Variants in LYRM4 observed in about 807,000 individuals in gnomAD.
LYRM4 encodes the protein LYR motif-containing protein 4.
In LYRM4, 9 loss-of-function variants were observed where a neutral mutation model predicts 11.7. The observed-to-expected ratio is 0.77, with a 90% CI of 0.46 to 1.34. The LOEUF (loss-of-function observed/expected upper bound fraction) is 1.34, where lower values mean the gene tolerates loss of function less well. Ranked by LOEUF, LYRM4 falls within the 40% of genes most tolerant of loss-of-function variation. The probability of loss-of-function intolerance (pLI) is 0.00; values close to 1 mark genes in which losing one functional copy is unlikely to be tolerated. For missense variants in LYRM4, 133 were observed against 112.5 expected (o/e 1.18, Z -0.82); for synonymous variants, 42 against 40.4 (o/e 1.04, Z -0.15).
chr6:5,054,094 A>G, the LYRM4 span: 2 of 984,362 alleles, frequency 2.0e-6, no homozygotes, highest in African/African-American at 3.5e-5. Flanking sequence ...CCAGGAACTA[A>G]CGCCAGATGC....
At chr6:5,178,010 A>G (rs76655339) in intron 2 of LYRM4, among the ~76,000 whole-genome samples, 2 of 151,960 alleles carry the variant, frequency 1.3e-5, no homozygotes, top group Non-Finnish European at 2.9e-5. Flanking sequence ...TTTTTTTTTA[A>G]CTAAGTATTT....
At chr6:5,150,732 C>T (rs1758041027) in intron 2 of LYRM4, among the ~76,000 whole-genome samples, 1 of 152,224 alleles carries the variant, frequency 6.6e-6, no homozygotes, top group Non-Finnish European at 1.5e-5. Context: ...GTAACCGCTG[C>T]ATGCTCAGGC....
At chr6:5,168,997 G>A (rs1759257762) in intron 2 of LYRM4, among the ~76,000 whole-genome samples, 1 of 152,060 alleles carries the variant, frequency 6.6e-6, no homozygotes, top group Non-Finnish European at 1.5e-5. Flanking sequence ...GAAGGTATAT[G>A]GGTTTTCATT....
At chr6:5,153,419 C>T (rs1036476601) in intron 2 of LYRM4, among the ~76,000 whole-genome samples, 3 of 152,206 alleles carry the variant, frequency 2.0e-5, no homozygotes, top group Non-Finnish European at 4.4e-5. Flanking sequence ...AAAACTAAGA[C>T]ACCAGGTCAT....
chr6:5,123,598 C>A (rs73361354), intron 2 of LYRM4, among the ~76,000 whole-genome samples: 2,369 of 152,330 alleles, frequency 0.016, 48 homozygotes, highest in African/African-American at 0.054. Flanking sequence ...GCTGTTCCCA[C>A]GGCCCCTACT....
At chr6:5,231,336 G>A (rs1763230736) in intron 1 of LYRM4, among the ~76,000 whole-genome samples, 1 of 152,184 alleles carries the variant, frequency 6.6e-6, no homozygotes, top group Non-Finnish European at 1.5e-5. Context: ...ATTCAGGGAG[G>A]CTATAGAGCA....
rs147698883 is a variant in LYRM4 at position 5,145,476 on chromosome 6, G to A, written c.208-35985C>T. 6.6e-4 allele frequency among the ~76,000 whole-genome samples: 101 copies of A among 152,228 alleles called. 1 individual carries two copies. Among genetic ancestry groups the A allele is most frequent in the Middle Eastern group, 6.8e-3 (2 of 294 alleles). On this transcript the variant is annotated intron_variant, in intron 2 of 2. Coordinates refer to ENST00000330636, the MANE Select transcript of LYRM4 (RefSeq NM_020408.6). ...GTGCTTAATTTCCCTTGGTGACTCC[G>A]GAGTCAACGCTCTTCATCACTATGA...
Position 5,230,433 on chromosome 6 carries a change from CCA to C in LYRM4, c.87-13697_87-13696del, listed in dbSNP as rs1299954729. ...AGATTTTCTGGCTTCTTTTTTCCCC[CCA>C]CCTATCAGAATGAGCTTGATCTCAT... On this transcript the variant is annotated intron_variant, in intron 1 of 2. Transcript: ENST00000330636. Among the ~76,000 whole-genome samples the C allele has an allele frequency of 4.6e-5, 7 of 152,216 alleles. No homozygotes were observed. In the South Asian group the frequency reaches 1.0e-3, roughly 23 times the overall value.
chr6:5,083,328 T>G, the LYRM4 span, among the ~76,000 whole-genome samples: 1 of 152,256 alleles, frequency 6.6e-6, no homozygotes, highest in Admixed American at 6.5e-5. Context: ...GTAAAAGCAA[T>G]GTCCTTCCCG....
intron 2 of LYRM4, among the ~76,000 whole-genome samples, chr6:5,145,770 C>G (rs187712125): frequency 1.7e-4 from 26 of 152,298 alleles, no homozygotes. Flanking sequence ...CTTATTTACA[C>G]CCACGGCTTC....
At chr6:5,245,674 G>A (rs1029709258) in intron 1 of LYRM4, among the ~76,000 whole-genome samples, 29 of 152,218 alleles carry the variant, frequency 1.9e-4, no homozygotes, top group African/African-American at 7.0e-4. Flanking sequence ...ACTTCCTGGA[G>A]CCTGAGGCCA....
At chr6:5,160,245 T>A (rs1327270430) in intron 2 of LYRM4, among the ~76,000 whole-genome samples, 1 of 152,100 alleles carries the variant, frequency 6.6e-6, no homozygotes, top group Non-Finnish European at 1.5e-5. Flanking sequence ...TAAACCTGGG[T>A]TCAACTCCCT....
chr6:5,075,542 C>T, the LYRM4 span, among the ~76,000 whole-genome samples: 1 of 152,126 alleles, frequency 6.6e-6, no homozygotes, highest in Non-Finnish European at 1.5e-5. Flanking sequence ...GCAGGTGGGT[C>T]ACACTGGGGA....
chr6:5,210,841 A>C (rs1761954058), intron 2 of LYRM4, among the ~76,000 whole-genome samples: 2 of 152,206 alleles, frequency 1.3e-5, no homozygotes, highest in African/African-American at 4.8e-5. Context: ...ATGTAGCAGG[A>C]TTCTGTTCCT....
intron 1 of LYRM4, among the ~76,000 whole-genome samples, chr6:5,257,083 C>A (rs910194620): frequency 6.6e-6 from 1 of 152,186 alleles, no homozygotes; most frequent in Non-Finnish European, 1.5e-5. Flanking sequence ...CTTGGCCCCT[C>A]AAAATCATCT....
At chr6:5,098,721 T>A (rs1388478665), downstream of LYRM4, among the ~76,000 whole-genome samples, 1 of 152,160 alleles carries the variant, frequency 6.6e-6, no homozygotes, top group Non-Finnish European at 1.5e-5. Context: ...TCATCTTACA[T>A]CACCCGAGGC....
chr6:5,066,509 A>G, the LYRM4 span: 1 of 790,436 alleles, frequency 1.3e-6, no homozygotes, highest in South Asian at 1.3e-5. Flanking sequence ...TTACTCCACC[A>G]CTTCTAGGAT....
chr6:5,226,009 G>A (rs569605172), intron 1 of LYRM4, among the ~76,000 whole-genome samples: 2 of 152,248 alleles, frequency 1.3e-5, no homozygotes, highest in African/African-American at 2.4e-5. Context: ...TTAATCGAGT[G>A]GTCTTTTGAA....
chr6:5,142,859 C>T (rs565413467), intron 2 of LYRM4, among the ~76,000 whole-genome samples: 43 of 152,334 alleles, frequency 2.8e-4, no homozygotes, highest in South Asian at 6.2e-4. Flanking sequence ...GAATGCCTTT[C>T]CCTAAGGAGA....
Sources: allele counts gnomAD v4.1 joint callset (sites outside exome capture counted in the v4.1 genomes callset), GRCh38; gene constraint gnomAD v4.1.1; transcripts MANE v1.5; gene names NCBI Gene and HGNC (gene_info 2026-07-23, HGNC 2026-07-21).